SCAPER: variants seen among roughly 807,000 people sequenced by gnomAD.
The protein encoded by SCAPER is S phase cyclin A-associated protein in the endoplasmic reticulum.
Under a neutral mutation model 182.2 loss-of-function variants are expected in SCAPER, and 98 were observed. That is an observed-to-expected ratio of 0.54 (90% CI 0.46 to 0.64). SCAPER has a LOEUF of 0.64. SCAPER is among the 30% of genes least tolerant of loss of function. The pLI, the probability that SCAPER is intolerant of heterozygous loss-of-function variation, is 0.00. For missense variants in SCAPER, 1,432 were observed against 1,690.0 expected, an observed-to-expected ratio of 0.85 and a Z score of 2.68; for synonymous variants, 605 against 564.6, an observed-to-expected ratio of 1.07 and a Z score of -1.01.
intron 27 of SCAPER, among the ~76,000 whole-genome samples, chr15:76,395,470 G>A (rs1393350779): frequency 4.6e-5 from 7 of 152,236 alleles, no homozygotes; most frequent in East Asian, 3.9e-4. Flanking sequence ...CACCAACAGC[G>A]TATGAGGGTT....
chr15:76,605,299 G>C (rs890885558), intron 22 of SCAPER, among the ~76,000 whole-genome samples: 1 of 151,998 alleles, frequency 6.6e-6, no homozygotes, highest in African/African-American at 2.4e-5. Flanking sequence ...TTTTGTCTTT[G>C]GTTCTGTTTA....
At chr15:76,563,852 T>C (rs1415999891) in intron 23 of SCAPER, among the ~76,000 whole-genome samples, 1 of 152,136 alleles carries the variant, frequency 6.6e-6, no homozygotes, top group Non-Finnish European at 1.5e-5. Flanking sequence ...GAAGGTTGGT[T>C]CAACATATGC....
chr15:76,566,044 C>T (rs751191485), intron 23 of SCAPER, among the ~76,000 whole-genome samples: 5 of 151,998 alleles, frequency 3.3e-5, no homozygotes, highest in African/African-American at 1.2e-4. Context: ...AGCAGAACCA[C>T]GGGGTTTGGA....
intron 20 of SCAPER, among the ~76,000 whole-genome samples, chr15:76,690,886 A>T (rs774039452): frequency 1.3e-5 from 2 of 150,122 alleles, no homozygotes; most frequent in Non-Finnish European, 2.9e-5. Flanking sequence ...GGAAAAAAGG[A>T]TATGAATAAA....
chr15:76,820,302 C>T (rs375559018), intron 5 of SCAPER, among the ~76,000 whole-genome samples: 13 of 151,988 alleles, frequency 8.6e-5, no homozygotes, highest in East Asian at 5.8e-4. Flanking sequence ...ATGTTTATTG[C>T]GGCACTATTC....
In SCAPER at chr15:76,649,604, T is replaced by A. The variant is rs534145741; in HGVS notation, c.2645+16049A>T. Among the ~76,000 whole-genome samples the A allele has an allele frequency of 2.9e-4, 44 of 149,624 alleles. 1 individual carries two copies. Among genetic ancestry groups the A allele is most frequent in the African/African-American group, 1.0e-3 (42 of 41,014 alleles). ...TATTTATATTTTTTACATATAAAAA[T>A]ATATACAGCAGAAAAGAAAAAATAA... On this transcript the variant is annotated intron_variant, in intron 21 of 31. Coordinates refer to ENST00000563290, the MANE Select transcript of SCAPER (RefSeq NM_020843.4).
chr15:76,767,900 A>C (rs886814200), intron 10 of SCAPER, among the ~76,000 whole-genome samples: 18 of 152,162 alleles, frequency 1.2e-4, no homozygotes, highest in African/African-American at 4.3e-4. Context: ...GTCTATGCTA[A>C]TTAAAAGAAA....
intron 21 of SCAPER, among the ~76,000 whole-genome samples, chr15:76,630,012 T>A (rs144654034): frequency 6.6e-6 from 1 of 152,192 alleles, no homozygotes; most frequent in African/African-American, 2.4e-5. Context: ...GTCCAGGAAT[T>A]TATCCATTTC....
rs1396518234 is a variant in SCAPER at position 76,598,852 on chromosome 15, T to G, written c.2711+22912A>C. Among the ~76,000 whole-genome samples, 4 of 118,710 alleles carry G rather than the reference T, an allele frequency of 3.4e-5. 1 individual carries two copies. The highest frequency in any genetic ancestry group is 8.2e-5 in the Non-Finnish European group (4 of 49,078). The allele number at this position is 118,710 out of a possible 152,430, so 77.9% of individuals were successfully genotyped here. Reference sequence around the variant, plus strand: ...CATTAGGAGAACTACCTAATGTAGATGACGGGTTGATGGGTGCAGCATGGC... The same window carrying G: ...CATTAGGAGAACTACCTAATGTAGAGGACGGGTTGATGGGTGCAGCATGGC... On this transcript the variant is annotated intron_variant, in intron 22 of 31. Coordinates refer to ENST00000563290, the MANE Select transcript of SCAPER (RefSeq NM_020843.4).
At chr15:76,700,902 CTAAA>C (rs1348020773) in intron 20 of SCAPER, among the ~76,000 whole-genome samples, 3 of 151,998 alleles carry the variant, frequency 2.0e-5, no homozygotes, top group Admixed American at 2.0e-4. Flanking sequence ...ACAGGCAACA[CTAAA>C]TAATGATACA....
In SCAPER at chr15:76,719,834, C is replaced by T. The variant is rs1031513227; in HGVS notation, c.2165+8761G>A. Among the ~76,000 whole-genome samples, 10 of 151,308 alleles carry T rather than the reference C, an allele frequency of 6.6e-5. No individual in the cohort carries two copies. In the South Asian group the frequency reaches 8.3e-4, roughly 13 times the overall value. On this transcript the variant is annotated intron_variant, in intron 17 of 31. Coordinates refer to ENST00000563290, the MANE Select transcript of SCAPER (RefSeq NM_020843.4). ...TATTGGTAGATTATATGTTTATTTA[C>T]GTAGAAAACGCTAAAAAAAATCTAA...
intron 21 of SCAPER, among the ~76,000 whole-genome samples, chr15:76,633,650 T>C (rs779886831): frequency 6.6e-6 from 1 of 152,154 alleles, no homozygotes; most frequent in Non-Finnish European, 1.5e-5. Flanking sequence ...AGGGAGGCCT[T>C]GCCTGGTGAG....
At chr15:76,465,918 G>T (rs760352136) in intron 25 of SCAPER, among the ~76,000 whole-genome samples, 1 of 152,174 alleles carries the variant, frequency 6.6e-6, no homozygotes, top group African/African-American at 2.4e-5. Context: ...GGCCTACAGG[G>T]TTTCTGCTGA....
intron 26 of SCAPER, among the ~76,000 whole-genome samples, chr15:76,423,314 T>G (rs1596538574): frequency 6.6e-6 from 1 of 152,222 alleles, no homozygotes; most frequent in East Asian, 1.9e-4. Flanking sequence ...ATTGGTCTAT[T>G]CAGAGATTCA....
At chr15:76,846,304 T>G (rs1482439736) in intron 4 of SCAPER, among the ~76,000 whole-genome samples, 2 of 151,598 alleles carry the variant, frequency 1.3e-5, no homozygotes. Context: ...TTGAGCAATA[T>G]ACCCCATAAG....
intron 25 of SCAPER, among the ~76,000 whole-genome samples, chr15:76,436,090 CAG>C (rs1164734882): frequency 6.6e-6 from 1 of 152,044 alleles, no homozygotes; most frequent in Non-Finnish European, 1.5e-5. Flanking sequence ...TTTTTGGAGA[CAG>C]AGTCTCACTC....
intron 23 of SCAPER, among the ~76,000 whole-genome samples, chr15:76,519,503 A>G (rs1316373497): frequency 1.3e-5 from 2 of 152,204 alleles, no homozygotes; most frequent in Non-Finnish European, 2.9e-5. Context: ...TGATTTCAGA[A>G]TAAGTCTTGT....
At chr15:76,548,252 A>C (rs933625978) in intron 23 of SCAPER, among the ~76,000 whole-genome samples, 1 of 152,176 alleles carries the variant, frequency 6.6e-6, no homozygotes, top group African/African-American at 2.4e-5. Flanking sequence ...GTTACTTCTA[A>C]ACAGAACATT....
chr15:76,416,113 A>G (rs2142273035), intron 26 of SCAPER, among the ~76,000 whole-genome samples: 1 of 152,258 alleles, frequency 6.6e-6, no homozygotes, highest in African/African-American at 2.4e-5. Flanking sequence ...TACATAAGGA[A>G]GCAACTTACA....
Sources: allele counts gnomAD v4.1 joint callset (sites outside exome capture counted in the v4.1 genomes callset), GRCh38; gene constraint gnomAD v4.1.1; transcripts MANE v1.5; gene names NCBI Gene and HGNC (gene_info 2026-07-23, HGNC 2026-07-21).